The following ENPEP variants were observed in gnomAD, a reference collection of about 807,000 sequenced individuals.
ENPEP encodes the protein AP-A.
A neutral mutation model predicts 114.5 loss-of-function variants in ENPEP; 103 were observed. That is an observed-to-expected ratio of 0.90 (90% CI 0.77 to 1.06). The LOEUF (loss-of-function observed/expected upper bound fraction) is 1.06. Among genes scored for constraint, ENPEP ranks in the 50% least tolerant of loss-of-function variants. The pLI, the probability that ENPEP is intolerant of heterozygous loss-of-function variation, is 0.00. For synonymous variants in ENPEP, 420 were observed against 422.0 expected, an observed-to-expected ratio of 1.00 and a Z score of 0.06; for missense variants, 1,196 against 1,161.3, an observed-to-expected ratio of 1.03 and a Z score of -0.43.
At chr4:110,543,320 G>C (rs1194204927) in intron 13 of ENPEP, among the ~76,000 whole-genome samples, 1 of 152,064 alleles carries the variant, frequency 6.6e-6, no homozygotes, top group Non-Finnish European at 1.5e-5. Context: ...AGTATGGTTT[G>C]TCTATATCAG....
intron 10 of ENPEP, among the ~76,000 whole-genome samples, chr4:110,524,520 C>T (rs1290121583): frequency 6.6e-6 from 1 of 152,070 alleles, no homozygotes; most frequent in Non-Finnish European, 1.5e-5. Context: ...ACAAACACCA[C>T]CAAAGAAGCA....
At chr4:110,536,447 A>C (rs145127022) in intron 11 of ENPEP, among the ~76,000 whole-genome samples, 1 of 152,312 alleles carries the variant, frequency 6.6e-6, no homozygotes, top group African/African-American at 2.4e-5. Context: ...ACAGGGGAAG[A>C]TAATGAAGGA....
At chr4:110,542,070 G>C (rs1274073610) in intron 11 of ENPEP, among the ~76,000 whole-genome samples, 1 of 152,074 alleles carries the variant, frequency 6.6e-6, no homozygotes, top group Non-Finnish European at 1.5e-5. Context: ...GAAAAGTATT[G>C]TTGTAACCAA....
chr4:110,524,639 CA>C (rs1190904300), intron 10 of ENPEP, among the ~76,000 whole-genome samples: 6 of 152,188 alleles, frequency 3.9e-5, no homozygotes, highest in Admixed American at 3.9e-4. Context: ...TGTTAAAAAT[CA>C]AACCCTTAAC....
At chr4:110,478,002 G>T (rs1724179083) in intron 1 of ENPEP, among the ~76,000 whole-genome samples, 1 of 152,156 alleles carries the variant, frequency 6.6e-6, no homozygotes, top group Non-Finnish European at 1.5e-5. Context: ...ACTACACCTT[G>T]TGTTGTGTCT....
At chr4:110,538,274 A>G (rs1329744968) in intron 11 of ENPEP, among the ~76,000 whole-genome samples, 1 of 152,214 alleles carries the variant, frequency 6.6e-6, no homozygotes, top group Non-Finnish European at 1.5e-5. Flanking sequence ...GCTGCCTTCA[A>G]AAATGATCTT....
chr4:110,495,148 C>T (rs1724879376), intron 3 of ENPEP, among the ~76,000 whole-genome samples: 1 of 152,056 alleles, frequency 6.6e-6, no homozygotes, highest in Admixed American at 6.5e-5. Flanking sequence ...CACAAAGTTC[C>T]CCATTGGAAT....
rs1040427957 is a variant in ENPEP at position 110,559,537 on chromosome 4, T to C, written c.2643-110T>C. 6 of 786,280 alleles carry C rather than the reference T, an allele frequency of 7.6e-6. 1 individual carries two copies. The Admixed American group carries it at 1.6e-4, about 22-fold the overall frequency. 48.7% of individuals were successfully genotyped at this position (786,280 alleles called of 1,614,324 possible). ...GTTTTCTTACTGTGTTTTGCTTACT[T>C]TGAAAGTTACTTTTAAAAACTATGA... On this transcript the variant is annotated intron_variant, in intron 18 of 19. Coordinates refer to ENST00000265162, the MANE Select transcript of ENPEP (RefSeq NM_001977.4).
chr4:110,550,294 GA>G (rs1353126438), intron 17 of ENPEP, among the ~76,000 whole-genome samples: 1 of 152,054 alleles, frequency 6.6e-6, no homozygotes, highest in African/African-American at 2.4e-5. Context: ...ATGCCAACAG[GA>G]CAATTGTCTC....
intron 3 of ENPEP, among the ~76,000 whole-genome samples, chr4:110,501,739 A>G (rs1489720902): frequency 6.6e-6 from 1 of 152,218 alleles, no homozygotes; most frequent in East Asian, 1.9e-4. Context: ...TAGTGCTGTG[A>G]TGAACGTATG....
rs1467424972 is a variant in ENPEP, at chr4:110,563,272, A to G, written c.*1714A>G. Reference sequence around the variant, plus strand: ...TATCCTTCTGTTTTATGAAATTAATACATTTTAAAAGAAAAATGTTAGTTT... The same window carrying G: ...TATCCTTCTGTTTTATGAAATTAATGCATTTTAAAAGAAAAATGTTAGTTT... On this transcript the variant is annotated 3_prime_UTR_variant, in exon 20 of 20. Coordinates refer to ENST00000265162, the MANE Select transcript of ENPEP (RefSeq NM_001977.4). 2 of 152,176 alleles carry G rather than the reference A, an allele frequency of 1.3e-5. No individual in the cohort carries two copies. Among genetic ancestry groups the G allele is most frequent in the Non-Finnish European group, 2.9e-5 (2 of 67,996 alleles). 9.4% of individuals were successfully genotyped at this position (152,176 alleles called of 1,614,324 possible). A position where few individuals can be genotyped will look rare whatever the true frequency, so the allele number is the denominator to read the frequency against.
At chr4:110,552,100 A>G (rs919701571) in intron 17 of ENPEP, among the ~76,000 whole-genome samples, 2 of 152,132 alleles carry the variant, frequency 1.3e-5, no homozygotes, top group Non-Finnish European at 2.9e-5. Context: ...TCTTATTGCT[A>G]GGCTGAAGAA....
At chr4:110,554,573 G>A (rs773933421) in intron 18 of ENPEP, among the ~76,000 whole-genome samples, 49 of 151,896 alleles carry the variant, frequency 3.2e-4, no homozygotes, top group Non-Finnish European at 6.0e-4. Context: ...GCACATATGT[G>A]CATTGTTCAT....
chr4:110,506,119 A>G (rs1350881989), intron 3 of ENPEP: 1 of 152,312 alleles, frequency 6.6e-6, no homozygotes, highest in Non-Finnish European at 1.5e-5. Context: ...GAAAAGCACA[A>G]GTAGATAACA....
rs1011029484 is a variant in ENPEP at position 110,476,235 on chromosome 4, C to T, written c.-180C>T. Reference sequence around the variant, plus strand: ...TTGTTTCCGCATTCATCCTGAGTGGCTGGTGGGAACGTGAAAAGGGAGAGG... The same window carrying T: ...TTGTTTCCGCATTCATCCTGAGTGGTTGGTGGGAACGTGAAAAGGGAGAGG... On this transcript the variant is annotated 5_prime_UTR_variant, in exon 1 of 20. Coordinates refer to ENST00000265162, the MANE Select transcript of ENPEP (RefSeq NM_001977.4). The T allele has an allele frequency of 4.4e-6, 3 of 678,680 alleles. No homozygotes were observed. The African/African-American group carries it at 5.4e-5, about 12-fold the overall frequency. 42.0% of individuals were successfully genotyped at this position (678,680 alleles called of 1,614,324 possible).
intron 7 of ENPEP, 119 bp downstream of exon 7, chr4:110,513,668 G>A (rs1187894414): frequency 1.6e-6 from 2 of 1,259,770 alleles, no homozygotes; most frequent in Non-Finnish European, 2.2e-6. Flanking sequence ...AAACAGTGTA[G>A]AAGTTATTCT....
In ENPEP at chr4:110,476,246, G is replaced by C. The variant is rs2110326759; in HGVS notation, c.-169G>C. 1 of 760,348 alleles carries C rather than the reference G, an allele frequency of 1.3e-6. No individual in the cohort carries two copies. Among genetic ancestry groups the C allele is most frequent in the African/African-American group, 1.7e-5 (1 of 57,454 alleles). The allele number at this position is 760,348 out of a possible 1,614,324, so 47.1% of individuals were successfully genotyped here. A position where few individuals can be genotyped will look rare whatever the true frequency, so the allele number is the denominator to read the frequency against. On this transcript the variant is annotated 5_prime_UTR_variant, in exon 1 of 20. Transcript: ENST00000265162. ...TTCATCCTGAGTGGCTGGTGGGAAC[G>C]TGAAAAGGGAGAGGAAAAGGCGCAA...
chr4:110,477,476 G>A (rs899523685), intron 1 of ENPEP, among the ~76,000 whole-genome samples: 1 of 151,966 alleles, frequency 6.6e-6, no homozygotes, highest in Non-Finnish European at 1.5e-5. Context: ...CTAAATTTAC[G>A]TGAAACATCA....
Position 110,553,513 on chromosome 4 carries a change from C to T in ENPEP, c.2642+58C>T. 7.4e-6 allele frequency: 11 copies of T among 1,488,748 alleles called. No individual in the cohort carries two copies. In the South Asian group the frequency reaches 1.5e-4, roughly 20 times the overall value. The allele number at this position is 1,488,748 out of a possible 1,614,324, so 92.2% of individuals were successfully genotyped here. ...TTTGTTTCATACTATCTACTGGTTCCTTCATTTTTCTTTGGGCCACTGTCT... is the reference window on the plus strand; with the variant it reads ...TTTGTTTCATACTATCTACTGGTTCTTTCATTTTTCTTTGGGCCACTGTCT... On this transcript the variant is annotated intron_variant, in intron 18 of 19. Transcript: ENST00000265162.
Sources: gnomAD v4.1 joint callset for allele counts (sites outside exome capture counted in the v4.1 genomes callset) on GRCh38, gnomAD v4.1.1 for gene constraint, MANE v1.5 for transcripts, NCBI Gene and HGNC (gene_info 2026-07-23, HGNC 2026-07-21) for gene names.